Variants in DNAH8 observed in about 807,000 individuals in gnomAD.
DNAH8 encodes the protein dynein axonemal heavy chain 8.
Under a neutral mutation model 562.1 loss-of-function variants are expected in DNAH8, and 382 were observed. That is an observed-to-expected ratio of 0.68 (90% CI 0.63 to 0.74). The LOEUF (loss-of-function observed/expected upper bound fraction) is 0.74. Among genes scored for constraint, DNAH8 ranks in the 30% least tolerant of loss-of-function variants. DNAH8 has a pLI of 0.00. For missense variants in DNAH8, 5,203 were observed against 5,620.4 expected (o/e 0.93, Z 2.37); for synonymous variants, 1,881 against 1,919.4 (o/e 0.98, Z 0.52).
rs148531696 is a variant in DNAH8 at position 38,901,779 on chromosome 6, G to T, written c.9194+1873G>T. On this transcript the variant is annotated intron_variant, in intron 62 of 92. Coordinates refer to ENST00000327475, the MANE Select transcript of DNAH8 (RefSeq NM_001206927.2). ...AAAATTGAACAAAATACAATTTATA[G>T]AAGTATTTTAAAAACATAAAATATC... Among the ~76,000 whole-genome samples, 17 of 152,198 alleles carry T rather than the reference G, an allele frequency of 1.1e-4. No individual in the cohort carries two copies. In the East Asian group the frequency reaches 2.7e-3, roughly 24 times the overall value.
At chr6:38,909,975 CAG>C (rs1561849573) in intron 65 of DNAH8, among the ~76,000 whole-genome samples, 1 of 152,228 alleles carries the variant, frequency 6.6e-6, no homozygotes, top group Non-Finnish European at 1.5e-5. Flanking sequence ...CTCCAAGCCT[CAG>C]AGTAACAGAT....
intron 92 of DNAH8, among the ~76,000 whole-genome samples, chr6:39,028,265 A>G (rs1046851021): frequency 6.6e-6 from 1 of 152,218 alleles, no homozygotes; most frequent in African/African-American, 2.4e-5. Flanking sequence ...AAAGGCTGTC[A>G]TAACAAAGTA....
chr6:38,871,574 G>A (rs1193299407), intron 49 of DNAH8, among the ~76,000 whole-genome samples: 1 of 152,094 alleles, frequency 6.6e-6, no homozygotes, highest in Non-Finnish European at 1.5e-5. Context: ...TGTCCAAAAT[G>A]TTAGGAGAAT....
chr6:38,717,506 G>T (rs1202873630), intron 1 of DNAH8, among the ~76,000 whole-genome samples: 2 of 151,676 alleles, frequency 1.3e-5, no homozygotes, highest in Non-Finnish European at 2.9e-5. Flanking sequence ...TGCATTTGTT[G>T]TCAAGACTGG....
At position 38,723,448 on chromosome 6, in the gene DNAH8, G is replaced by A; in HGVS notation, c.502G>A (p.Glu168Lys). The change falls in exon 3 of 93, where the codon GAA (glutamate) becomes AAA (lysine). Residue 168 changes from glutamate (E) to lysine (K), a missense_variant. Coordinates refer to ENST00000327475, the MANE Select transcript of DNAH8 (RefSeq NM_001206927.2). ...NLGLDIVTVE[E>K]LILDCPSLEA... ...TGGCCTGGACATAGTAACTGTTGAA[G>A]AATTAATTTTGGATTGCCCATCTGT... The A allele has an allele frequency of 7.5e-6, 12 of 1,608,264 alleles. No individual in the cohort carries two copies. The highest frequency in any genetic ancestry group is 1.1e-5 in the South Asian group (1 of 89,266).
intron 82 of DNAH8, 120 bp from the exon 83 acceptor site, chr6:38,971,472 A>ATT (rs3047889): frequency 0.02 from 9,427 of 469,412 alleles, 5 homozygotes; most frequent in Middle Eastern, 0.023. Context: ...AACAGCAAAG[A>ATT]TTTTTTTTTT....
chr6:38,883,302 C>G lies in DNAH8; in HGVS notation c.8002-20C>G, dbSNP rs753226016. Reference sequence around the variant, plus strand: ...AAATAAGTTGTAACACATTTCAACACTATTATCCTATGATTGCAGGCTGTT... The same window carrying G: ...AAATAAGTTGTAACACATTTCAACAGTATTATCCTATGATTGCAGGCTGTT... On this transcript the variant is annotated intron_variant, in intron 54 of 92. Coordinates refer to ENST00000327475, the MANE Select transcript of DNAH8 (RefSeq NM_001206927.2). 3 of 1,600,666 alleles carry G rather than the reference C, an allele frequency of 1.9e-6. No homozygotes were observed. The highest frequency in any genetic ancestry group is 1.7e-6 in the Non-Finnish European group (2 of 1,175,080).
rs1217474713 is a variant in DNAH8, at chr6:38,890,662, AT to A, written c.8485del (p.Cys2829ValfsTer17). The part of the protein sequence containing the change: ...SIDKIFGIIG[C>X]GYFDPCRSFK... ...TTGCTTATCTTTCAGGAATTATTGG[AT>A]GTGGATACTTTGATCCTTGTAGAAG... On this transcript the variant is annotated frameshift_variant, in exon 58 of 93. Coordinates refer to ENST00000327475, the MANE Select transcript of DNAH8 (RefSeq NM_001206927.2). LOFTEE classifies it high-confidence loss of function. 1 of 1,609,510 alleles carries A rather than the reference AT, an allele frequency of 6.2e-7. No individual in the cohort carries two copies. Among genetic ancestry groups the A allele is most frequent in the African/African-American group, 1.3e-5 (1 of 74,810 alleles).
In DNAH8 at chr6:38,823,762, ATTAAG is replaced by A. The variant is rs1239695340; in HGVS notation, c.3847+78_3847+82del. The A allele has an allele frequency of 5.4e-5, 56 of 1,031,816 alleles. No homozygotes were observed. In the African/African-American group the frequency reaches 6.6e-4, roughly 12 times the overall value. 63.9% of individuals were successfully genotyped at this position (1,031,816 alleles called of 1,614,324 possible). ...GTGTTACTTTATTTAGCAAGCAGTT[ATTAAG>A]TTATCTTGGTACAATAGTATTATAC... On this transcript the variant is annotated intron_variant, in intron 28 of 92. Coordinates refer to ENST00000327475, the MANE Select transcript of DNAH8 (RefSeq NM_001206927.2).
At chr6:38,961,137 T>C (rs1057459791) in intron 82 of DNAH8, among the ~76,000 whole-genome samples, 1 of 151,932 alleles carries the variant, frequency 6.6e-6, no homozygotes, top group African/African-American at 2.4e-5. Flanking sequence ...AAATTTGATC[T>C]CTTAGAATTA....
chr6:39,004,218 T>A (rs1765660103), intron 88 of DNAH8, among the ~76,000 whole-genome samples: 1 of 152,114 alleles, frequency 6.6e-6, no homozygotes, highest in Non-Finnish European at 1.5e-5. Context: ...CTCTTTAAAA[T>A]AAATAAATAA....
At position 38,737,820 on chromosome 6, in the gene DNAH8, A is replaced by C; in HGVS notation, c.964A>C (p.Ser322Arg). The change falls in exon 7 of 93, where the codon AGT becomes CGT. Residue 322 changes from serine (S) to arginine (R), a missense_variant. Physicochemically the swap from Ser to Arg is moderately radical, Grantham distance 110. This residue lies in a region of DNAH8 where 556 missense variants were observed against 496.9 expected (regional missense o/e 1.12). Transcript: ENST00000327475. Reference protein sequence around the residue: ...YLSFLDGARISIEGTVKLKTI... With the variant: ...YLSFLDGARIRIEGTVKLKTI... ...TTTTTCCTTTTTAGGTGCTAGAATA[A>C]GTATTGAGGGAACAGTGAAGTTAAA... 2.0e-6 allele frequency: 3 copies of C among 1,502,622 alleles called. No homozygotes were observed. Among genetic ancestry groups the C allele is most frequent in the Non-Finnish European group, 2.7e-6 (3 of 1,129,086 alleles). 93.1% of individuals were successfully genotyped at this position (1,502,622 alleles called of 1,614,324 possible). A position where few individuals can be genotyped will look rare whatever the true frequency, so the allele number is the denominator to read the frequency against.
chr6:38,830,499 G>T (rs1187331728), intron 30 of DNAH8, among the ~76,000 whole-genome samples: 1 of 151,936 alleles, frequency 6.6e-6, no homozygotes, highest in Non-Finnish European at 1.5e-5. Flanking sequence ...GCCAGGCATG[G>T]TGGCAGGCAC....
intron 92 of DNAH8, 115 bp downstream of exon 92, chr6:39,026,782 G>C (rs2150801461): frequency 3.5e-6 from 4 of 1,152,920 alleles, no homozygotes; most frequent in Middle Eastern, 3.0e-4. Context: ...TTGCAGTGAG[G>C]GTTCCCTCCA....
chr6:38,888,083 C>T (rs946518349), intron 57 of DNAH8, among the ~76,000 whole-genome samples: 1 of 151,254 alleles, frequency 6.6e-6, no homozygotes, highest in African/African-American at 2.4e-5. Flanking sequence ...AGGTGATCTG[C>T]CTGCCTCGGG....
Position 38,730,155 on chromosome 6 carries a change from A to G in DNAH8, c.610+169A>G, listed in dbSNP as rs1763553523. 1.3e-5 allele frequency among the ~76,000 whole-genome samples: 2 copies of G among 152,252 alleles called. 1 individual carries two copies. The highest frequency in any genetic ancestry group is 4.1e-4 in the South Asian group (2 of 4,834). On this transcript the variant is annotated intron_variant, in intron 4 of 92. Coordinates refer to ENST00000327475, the MANE Select transcript of DNAH8 (RefSeq NM_001206927.2). ...AGAACAATACATTCTCAGCCCAAAT[A>G]CATATTTCAGGCCTTGCTATAATGT...
intron 56 of DNAH8, among the ~76,000 whole-genome samples, chr6:38,885,684 T>C (rs552950011): frequency 1.3e-5 from 2 of 152,318 alleles, no homozygotes; most frequent in South Asian, 4.2e-4. Flanking sequence ...ACCTCTGCAT[T>C]TGCAGTTTCC....
At chr6:38,968,359 T>A (rs1375385415) in intron 82 of DNAH8, among the ~76,000 whole-genome samples, 2 of 152,084 alleles carry the variant, frequency 1.3e-5, no homozygotes, top group African/African-American at 4.8e-5. Flanking sequence ...ACCTATAAAA[T>A]AGGAGAAAAT....
At chr6:38,877,951 G>A (rs533124453) in intron 53 of DNAH8, among the ~76,000 whole-genome samples, 2 of 152,302 alleles carry the variant, frequency 1.3e-5, no homozygotes, top group Admixed American at 6.5e-5. Flanking sequence ...GCAGTTTCTA[G>A]AAGCAGCTCA....
Sources: gnomAD v4.1 joint callset for allele counts (sites outside exome capture counted in the v4.1 genomes callset) on GRCh38, gnomAD v4.1.1 for gene constraint, gnomAD v4.1.1 regional missense constraint, MANE v1.5 for transcripts, NCBI Gene and HGNC (gene_info 2026-07-23, HGNC 2026-07-21) for gene names.